The following NFIB variants were observed in gnomAD, a reference collection of about 807,000 sequenced individuals.
NFIB encodes the protein nuclear factor I B.
NFIB carries 11 observed loss-of-function variants against 61.5 expected under a neutral mutation model. That is an observed-to-expected ratio of 0.18 (90% CI 0.11 to 0.30). The LOEUF (loss-of-function observed/expected upper bound fraction) is 0.30, where lower values mean the gene tolerates loss of function less well. Among genes scored for constraint, NFIB ranks in the 10% least tolerant of loss-of-function variants. The pLI is 1.00. For synonymous variants in NFIB, 260 were observed against 216.5 expected, an observed-to-expected ratio of 1.20 and a Z score of -1.76; for missense variants, 471 against 608.9, an observed-to-expected ratio of 0.77 and a Z score of 2.38.
At chr9:14,524,607 C>T in the NFIB span, among the ~76,000 whole-genome samples, 4 of 152,132 alleles carry the variant, frequency 2.6e-5, no homozygotes, top group Non-Finnish European at 4.4e-5. Flanking sequence ...CATGCCTTCT[C>T]ATTAAATGTA....
the NFIB span, among the ~76,000 whole-genome samples, chr9:14,482,348 G>C: frequency 3.3e-5 from 5 of 152,024 alleles, no homozygotes; most frequent in African/African-American, 1.2e-4. Context: ...AATGGCCCTG[G>C]GGCAGGAGGG....
chr9:14,308,491 CAT>C (rs534634757), intron 1 of NFIB, among the ~76,000 whole-genome samples: 246 of 152,320 alleles, frequency 1.6e-3, no homozygotes, highest in Middle Eastern at 3.4e-3. Context: ...TCACCGATCA[CAT>C]GAGTATAGCA....
At chr9:14,352,729 C>T (rs2061128579) in intron 1 of NFIB, among the ~76,000 whole-genome samples, 1 of 152,208 alleles carries the variant, frequency 6.6e-6, no homozygotes, top group African/African-American at 2.4e-5. Flanking sequence ...TTGAGAGGCT[C>T]CAATAACAGA....
chr9:14,190,103 T>C (rs1404737128), intron 2 of NFIB, among the ~76,000 whole-genome samples: 1 of 152,170 alleles, frequency 6.6e-6, no homozygotes, highest in African/African-American at 2.4e-5. Flanking sequence ...AAAAAGATAC[T>C]TTGCCAAATC....
At chr9:14,192,056 G>A (rs1345973723) in intron 2 of NFIB, among the ~76,000 whole-genome samples, 4 of 152,182 alleles carry the variant, frequency 2.6e-5, no homozygotes, top group Admixed American at 2.0e-4. Flanking sequence ...AGATGGAAAA[G>A]GGGAAGGAGG....
At chr9:14,291,706 C>A (rs1298790862) in intron 2 of NFIB, among the ~76,000 whole-genome samples, 1 of 151,876 alleles carries the variant, frequency 6.6e-6, no homozygotes, top group African/African-American at 2.4e-5. Context: ...TAGTAATTAT[C>A]AAGCTAATCG....
chr9:14,516,191 T>C, the NFIB span, among the ~76,000 whole-genome samples: 4 of 152,322 alleles, frequency 2.6e-5, no homozygotes, highest in Admixed American at 1.3e-4. Flanking sequence ...AAATGCCAAA[T>C]GACTGGCCCT....
At chr9:14,351,144 A>G (rs1042062933) in intron 1 of NFIB, among the ~76,000 whole-genome samples, 2 of 152,152 alleles carry the variant, frequency 1.3e-5, no homozygotes, top group Non-Finnish European at 2.9e-5. Context: ...AAGCAGGGAG[A>G]GGATCATGTT....
chr9:14,283,070 T>C (rs1301916571), intron 2 of NFIB, among the ~76,000 whole-genome samples: 1 of 152,174 alleles, frequency 6.6e-6, no homozygotes. Flanking sequence ...CTGGCTAAGT[T>C]TGGCAAGGTT....
At chr9:14,238,379 G>C (rs1587845209) in intron 2 of NFIB, among the ~76,000 whole-genome samples, 2 of 152,178 alleles carry the variant, frequency 1.3e-5, no homozygotes, top group African/African-American at 2.4e-5. Context: ...AAGAGAGACA[G>C]TCTTGTGAAG....
the NFIB span, among the ~76,000 whole-genome samples, chr9:14,437,557 G>C: frequency 6.6e-6 from 1 of 152,216 alleles, no homozygotes; most frequent in Non-Finnish European, 1.5e-5. Flanking sequence ...TTCCACGTGA[G>C]AGAGCCTGGC....
intron 10 of NFIB, among the ~76,000 whole-genome samples, chr9:14,101,315 A>T (rs935277783): frequency 6.6e-6 from 1 of 152,244 alleles, no homozygotes; most frequent in Non-Finnish European, 1.5e-5. Context: ...GTCACATGGT[A>T]GTGAATTAAT....
chr9:14,514,086 T>C, the NFIB span, among the ~76,000 whole-genome samples: 1 of 152,206 alleles, frequency 6.6e-6, no homozygotes, highest in Non-Finnish European at 1.5e-5. Flanking sequence ...CAAATAAAAT[T>C]TGTGGCAATG....
intron 2 of NFIB, among the ~76,000 whole-genome samples, chr9:14,219,454 T>G (rs1003543468): frequency 6.8e-6 from 1 of 146,020 alleles, no homozygotes; most frequent in East Asian, 2.0e-4. Flanking sequence ...AGGGTTACAA[T>G]GTCAAAACTG....
At chr9:14,445,190 A>G in the NFIB span, among the ~76,000 whole-genome samples, 1 of 149,444 alleles carries the variant, frequency 6.7e-6, no homozygotes, top group African/African-American at 2.5e-5. Context: ...AACTTGCCAA[A>G]CTCTTTTATT....
intron 6 of NFIB, among the ~76,000 whole-genome samples, chr9:14,136,870 A>C (rs7030475): frequency 0.3 from 45,582 of 152,016 alleles, 8,668 homozygotes; most frequent in African/African-American, 0.53. Flanking sequence ...TGTTGCTCTT[A>C]ATGGAAAAGT....
intron 10 of NFIB, chr9:14,093,533 TA>T (rs2118619497): frequency 1.3e-5 from 2 of 152,180 alleles, no homozygotes; most frequent in South Asian, 4.1e-4. Context: ...GCATGGGGAA[TA>T]AATAAAATAA....
At chr9:14,383,217 T>G (rs1490077078) in intron 1 of NFIB, among the ~76,000 whole-genome samples, 1 of 152,218 alleles carries the variant, frequency 6.6e-6, no homozygotes, top group Non-Finnish European at 1.5e-5. Context: ...TTTAACTGCT[T>G]AGTTAGTCTG....
chr9:14,123,886 G>A (rs1263820388), intron 7 of NFIB, among the ~76,000 whole-genome samples: 1 of 151,150 alleles, frequency 6.6e-6, no homozygotes, highest in Non-Finnish European at 1.5e-5. Flanking sequence ...TGCCTCCCAG[G>A]TTGCCCCTCT....
Sources: gnomAD v4.1 joint callset for allele counts (sites outside exome capture counted in the v4.1 genomes callset) on GRCh38, gnomAD v4.1.1 for gene constraint, MANE v1.5 for transcripts, NCBI Gene and HGNC (gene_info 2026-07-23, HGNC 2026-07-21) for gene names.